The following ZNF536 variants were observed in gnomAD, a reference collection of about 807,000 sequenced individuals.
The protein encoded by ZNF536 is zinc finger protein 536.
In ZNF536, 13 loss-of-function variants were observed where a neutral mutation model predicts 84.5. The observed-to-expected ratio is 0.15, with a 90% CI of 0.10 to 0.24. ZNF536 has a LOEUF of 0.24. ZNF536 is among the 10% of genes least tolerant of loss of function. ZNF536 has a pLI of 1.00. For missense variants in ZNF536, 1,536 were observed against 1,747.5 expected, an observed-to-expected ratio of 0.88 and a Z score of 2.16; for synonymous variants, 811 against 742.5, an observed-to-expected ratio of 1.09 and a Z score of -1.50.
At chr19:30,239,918 C>G (rs565322101) in intron 1 of ZNF536, among the ~76,000 whole-genome samples, 1 of 152,212 alleles carries the variant, frequency 6.6e-6, no homozygotes, top group African/African-American at 2.4e-5. Flanking sequence ...TTCATCTGCT[C>G]TCACCCTTGG....
intron 1 of ZNF536, among the ~76,000 whole-genome samples, chr19:30,260,410 T>G (rs529372173): frequency 2.0e-5 from 3 of 152,192 alleles, no homozygotes; most frequent in Non-Finnish European, 2.9e-5. Context: ...ATAAGAGGAT[T>G]CTCCTACTCA....
chr19:30,233,339 CTTT>C (rs375462948), intron 1 of ZNF536, among the ~76,000 whole-genome samples: 1 of 143,560 alleles, frequency 7.0e-6, no homozygotes, highest in Non-Finnish European at 1.5e-5. Context: ...ATAATGATAC[CTTT>C]TTTTTTTTTT....
chr19:30,287,294 G>A (rs921649407), intron 2 of ZNF536, among the ~76,000 whole-genome samples: 5 of 147,576 alleles, frequency 3.4e-5, no homozygotes, highest in African/African-American at 1.2e-4. Flanking sequence ...TGGCTGGATG[G>A]ATGAGTGGAC....
intron 1 of ZNF536, among the ~76,000 whole-genome samples, chr19:30,267,952 G>A (rs1482800273): frequency 6.6e-6 from 1 of 151,892 alleles, no homozygotes; most frequent in Non-Finnish European, 1.5e-5. Context: ...ATTTGTTTAT[G>A]ATATCTGTTC....
chr19:30,455,790 C>A (rs75881064), intron 2 of ZNF536, among the ~76,000 whole-genome samples: 3,900 of 152,282 alleles, frequency 0.026, 73 homozygotes, highest in African/African-American at 0.06. Flanking sequence ...TGTTAACTCT[C>A]GTCACCCTAC....
At chr19:30,621,891 G>T (rs1486179979) in intron 1 of ZNF536, among the ~76,000 whole-genome samples, 7 of 152,208 alleles carry the variant, frequency 4.6e-5, no homozygotes. Context: ...TTCTTTCCTT[G>T]ATTAATTTGT....
chr19:30,510,090 A>G (rs901389766), intron 2 of ZNF536, among the ~76,000 whole-genome samples: 2 of 152,208 alleles, frequency 1.3e-5, no homozygotes. Context: ...GGCAGCCTGC[A>G]TTCATATCAC....
chr19:30,335,285 A>G (rs1463695894), intron 2 of ZNF536, among the ~76,000 whole-genome samples: 2 of 152,184 alleles, frequency 1.3e-5, no homozygotes, highest in African/African-American at 2.4e-5. Context: ...TCACCTCTGT[A>G]ATAGGGCTGT....
At chr19:30,436,804 G>A (rs1600722182) in intron 1 of ZNF536, among the ~76,000 whole-genome samples, 1 of 152,116 alleles carries the variant, frequency 6.6e-6, no homozygotes, top group African/African-American at 2.4e-5. Flanking sequence ...CCAGGAATGG[G>A]GTCTGCCTGT....
intron 3 of ZNF536, among the ~76,000 whole-genome samples, chr19:30,542,140 A>G (rs764551404): frequency 2.0e-4 from 31 of 152,324 alleles, no homozygotes; most frequent in Middle Eastern, 3.4e-3. Flanking sequence ...AGAAGCATGA[A>G]TCACATCTTA....
rs183999864 is a variant in ZNF536, at chr19:30,243,543, G to A, written c.-190+14870G>A. 2.0e-4 allele frequency among the ~76,000 whole-genome samples: 30 copies of A among 152,244 alleles called. No homozygotes were observed. In the East Asian group the frequency reaches 4.0e-3, roughly 21 times the overall value. Reference sequence around the variant, plus strand: ...CTATATTAATCATGAAAACTGACACGAGATTCCTTTTCCATAATAAATAGC... The same window carrying A: ...CTATATTAATCATGAAAACTGACACAAGATTCCTTTTCCATAATAAATAGC... On this transcript the variant is annotated intron_variant, in intron 1 of 5. Coordinates refer to the ZNF536 transcript ENST00000585628.
At chr19:30,499,463 T>A (rs1274428704) in intron 2 of ZNF536, among the ~76,000 whole-genome samples, 1 of 152,176 alleles carries the variant, frequency 6.6e-6, no homozygotes, top group Non-Finnish European at 1.5e-5. Context: ...TATCTATGTA[T>A]CTGTGTATGT....
intron 2 of ZNF536, among the ~76,000 whole-genome samples, chr19:30,300,046 G>A (rs7247741): frequency 0.23 from 35,512 of 151,960 alleles, 5,069 homozygotes; most frequent in East Asian, 0.54. Flanking sequence ...AAAACCTTTC[G>A]GCACCAAATA....
At chr19:30,499,500 G>A (rs1171242257) in intron 2 of ZNF536, among the ~76,000 whole-genome samples, 1 of 152,030 alleles carries the variant, frequency 6.6e-6, no homozygotes, top group African/African-American at 2.4e-5. Context: ...ATCTACCTAT[G>A]TATCTGTCTA....
intron 1 of ZNF536, among the ~76,000 whole-genome samples, chr19:30,280,033 C>A (rs1338472658): frequency 6.6e-6 from 1 of 152,182 alleles, no homozygotes; most frequent in Non-Finnish European, 1.5e-5. Flanking sequence ...ATACACTCCA[C>A]CTCCCGCAGG....
In ZNF536 at chr19:30,488,027, A is replaced by G. The variant is rs573193611; in HGVS notation, c.2170+42295A>G. On this transcript the variant is annotated intron_variant, in intron 2 of 4. Transcript: ENST00000355537. ...TTGCTCCAGAAATATTACCCAGCTC[A>G]TTTAGGGCTTCTGCCGGCCGCCACA... is the stretch of plus-strand genomic sequence containing the variant. Among the ~76,000 whole-genome samples, 3 of 152,236 alleles carry G rather than the reference A, an allele frequency of 2.0e-5. No individual in the cohort carries two copies. In the South Asian group the frequency reaches 6.3e-4, roughly 32 times the overall value.
chr19:30,358,288 G>C (rs1303295471), intron 3 of ZNF536, among the ~76,000 whole-genome samples: 1 of 152,194 alleles, frequency 6.6e-6, no homozygotes, highest in Non-Finnish European at 1.5e-5. Context: ...ATCATTAGCA[G>C]AGCCAGAACC....
At chr19:30,675,671 G>A (rs185879140) in intron 1 of ZNF536, among the ~76,000 whole-genome samples, 2 of 152,270 alleles carry the variant, frequency 1.3e-5, no homozygotes, top group African/African-American at 4.8e-5. Flanking sequence ...AAGGTAATGA[G>A]TGCGCCCACT....
intron 3 of ZNF536, among the ~76,000 whole-genome samples, chr19:30,363,593 C>T (rs557589404): frequency 6.6e-6 from 1 of 152,198 alleles, no homozygotes; most frequent in East Asian, 1.9e-4. Context: ...CAAAGTAGAA[C>T]ACAACCAGTG....
Sources: allele counts gnomAD v4.1 joint callset (sites outside exome capture counted in the v4.1 genomes callset), GRCh38; gene constraint gnomAD v4.1.1; transcripts MANE v1.5; gene names NCBI Gene and HGNC (gene_info 2026-07-23, HGNC 2026-07-21).